CADM3: variants seen among roughly 807,000 people sequenced by gnomAD.
The protein encoded by CADM3 is TSLC1-like 1.
In CADM3, 11 loss-of-function variants were observed where a neutral mutation model predicts 44.9. The ratio of observed to expected loss-of-function variants is 0.25; its 90% CI spans 0.15 to 0.41. The LOEUF is 0.41. Among genes scored for constraint, CADM3 ranks in the 10% least tolerant of loss-of-function variants. The pLI is 1.00. For missense variants in CADM3, 426 were observed against 512.0 expected (o/e 0.83, Z 1.62); for synonymous variants, 207 against 205.2 (o/e 1.01, Z -0.08).
chr1:159,182,812 A>G (rs1649283995), intron 1 of CADM3, among the ~76,000 whole-genome samples: 1 of 152,232 alleles, frequency 6.6e-6, no homozygotes, highest in Admixed American at 6.5e-5. Context: ...TGTAAAATAT[A>G]TGTATTCATA....
At position 159,194,005 on chromosome 1, in the gene CADM3, C is replaced by T. The variant is rs1649787491; in HGVS notation, c.656C>T (p.Ala219Val). The T allele has an allele frequency of 2.5e-6, 4 of 1,614,016 alleles. No individual in the cohort carries two copies. The African/African-American group carries it at 4.0e-5, about 16-fold the overall frequency. The change falls in exon 5 of 9, where the codon GCT becomes GTT. Residue 219 changes from alanine (A) to valine (V), a missense_variant. This residue lies in a region of CADM3 where 362 missense variants were observed against 474.6 expected (regional missense o/e 0.76). Transcript: ENST00000368125. ...GTGAACCATGAATCTCTAAAGGGAG[C>T]TGACAGATCCACCTCTCAACGCATT... ...CSVNHESLKG[A>V]DRSTSQRIEV...
chr1:159,187,095 A>AGGATGCGGAGAAAAGCAACTGAGGG (rs1178520733), intron 1 of CADM3, among the ~76,000 whole-genome samples: 4 of 152,268 alleles, frequency 2.6e-5, no homozygotes, highest in African/African-American at 7.2e-5. Flanking sequence ...GCAACTGAGG[A>AGGATGCGGAGAAAAGCAACTGAGGG]GGATGCAGAA....
chr1:159,171,996 C>G, intron 1 of CADM3, 143 bp downstream of exon 1: 1 of 450,662 alleles, frequency 2.2e-6, no homozygotes, highest in Non-Finnish European at 3.7e-6. Flanking sequence ...ACCCTTGTGT[C>G]TGTCTCTGAG....
chr1:159,186,227 A>G (rs1649412681), intron 1 of CADM3, among the ~76,000 whole-genome samples: 1 of 152,214 alleles, frequency 6.6e-6, no homozygotes, highest in Non-Finnish European at 1.5e-5. Context: ...AGAAAACACA[A>G]AACTGAAATG....
chr1:159,188,526 T>A (rs1251111563), intron 1 of CADM3, among the ~76,000 whole-genome samples: 1 of 151,866 alleles, frequency 6.6e-6, no homozygotes, highest in Non-Finnish European at 1.5e-5. Context: ...CAGCTGGCTC[T>A]GAGTCGCGCT....
intron 4 of CADM3, 111 bp downstream of exon 4, chr1:159,193,671 G>T (rs964401153): frequency 1.3e-6 from 2 of 1,515,134 alleles, no homozygotes; most frequent in Non-Finnish European, 1.8e-6. Context: ...AAAGGGGAAT[G>T]ACATATATTT....
intron 1 of CADM3, chr1:159,190,016 G>A (rs1282190183): frequency 3.1e-6 from 2 of 645,216 alleles, no homozygotes; most frequent in African/African-American, 3.7e-5. Flanking sequence ...TGACATTTTA[G>A]TTCTTAGTCT....
chr1:159,179,362 C>A (rs1012957248), intron 1 of CADM3, among the ~76,000 whole-genome samples: 6 of 152,194 alleles, frequency 3.9e-5, no homozygotes, highest in African/African-American at 7.2e-5. Context: ...CCCAGCTAGA[C>A]TTACACTAAC....
chr1:159,188,502 C>T (rs927284770), intron 1 of CADM3, among the ~76,000 whole-genome samples: 2 of 152,138 alleles, frequency 1.3e-5, no homozygotes, highest in South Asian at 2.1e-4. Flanking sequence ...TCTCCTCCCC[C>T]ACCTGCCTCT....
At chr1:159,190,701 T>A (rs953888968) in intron 1 of CADM3, among the ~76,000 whole-genome samples, 3 of 152,214 alleles carry the variant, frequency 2.0e-5, no homozygotes, top group Non-Finnish European at 4.4e-5. Context: ...ACCCATTGGC[T>A]ATTTCTTGGA....
chr1:159,191,671 G>T (rs750565292), intron 1 of CADM3, among the ~76,000 whole-genome samples: 1 of 152,182 alleles, frequency 6.6e-6, no homozygotes, highest in Non-Finnish European at 1.5e-5. Context: ...CTAAATGTTC[G>T]TGGCCCTGTC....
rs746503809 is a variant in CADM3 at position 159,196,918 on chromosome 1, G to T, written c.810G>T (p.Glu270Asp). 2.5e-5 allele frequency: 41 copies of T among 1,613,898 alleles called. No homozygotes were observed. Among genetic ancestry groups the T allele is most frequent in the Non-Finnish European group, 3.4e-5 (40 of 1,179,998 alleles). Residue 270 changes from glutamate to aspartate, a missense_variant, in exon 7 of 9, where the codon GAG becomes GAT. Physicochemically the swap from Glu to Asp is conservative, Grantham distance 45. Around this residue, in one of 2 missense-constraint regions of CADM3, gnomAD observed 362 missense variants for 474.6 expected, o/e 0.76. Transcript: ENST00000368125. ...CCCAGCAGTACCTATGGGAGAAGGA[G>T]GGCAGTGTGCCACCCCTGAAGATGA... The part of the protein sequence containing the change: ...PVPQQYLWEK[E>D]GSVPPLKMTQ...
intron 1 of CADM3, chr1:159,189,763 C>G (rs767096884): frequency 2.5e-6 from 4 of 1,596,820 alleles, no homozygotes; most frequent in Non-Finnish European, 3.4e-6. Flanking sequence ...TGGAGATTCT[C>G]TCCCCAGGCT....
intron 5 of CADM3, chr1:159,194,255 T>C (rs1465424290): frequency 2.0e-6 from 1 of 489,014 alleles, no homozygotes; most frequent in Non-Finnish European, 3.6e-6. Flanking sequence ...ACAGCCTCTG[T>C]GTCAACTACT....
At chr1:159,176,876 A>T (rs1259337269) in intron 1 of CADM3, among the ~76,000 whole-genome samples, 1 of 152,004 alleles carries the variant, frequency 6.6e-6, no homozygotes, top group Non-Finnish European at 1.5e-5. Flanking sequence ...CCGTCATCAA[A>T]TTCCTCAACT....
intron 1 of CADM3, among the ~76,000 whole-genome samples, chr1:159,188,585 C>A (rs983029565): frequency 6.6e-6 from 1 of 152,156 alleles, no homozygotes. Context: ...GGACACGTAG[C>A]AGCTCTGGGC....
chr1:159,198,124 A>AG, intron 7 of CADM3: 1 of 152,344 alleles, frequency 6.6e-6, no homozygotes, highest in East Asian at 1.9e-4. Flanking sequence ...AGCCAGGCAG[A>AG]GGGAGTCCTG....
At chr1:159,186,563 T>A (rs1649427858) in intron 1 of CADM3, among the ~76,000 whole-genome samples, 3 of 152,166 alleles carry the variant, frequency 2.0e-5, no homozygotes, top group African/African-American at 7.2e-5. Context: ...ACTGACACAA[T>A]CTGAATCCAA....
At chr1:159,177,418 C>CT (rs942351299) in intron 1 of CADM3, among the ~76,000 whole-genome samples, 1 of 152,176 alleles carries the variant, frequency 6.6e-6, no homozygotes, top group African/African-American at 2.4e-5. Flanking sequence ...TTCCCCTGTT[C>CT]TTTATGGAGC....
Sources: allele counts gnomAD v4.1 joint callset (sites outside exome capture counted in the v4.1 genomes callset), GRCh38; gene constraint gnomAD v4.1.1; regional missense constraint gnomAD v4.1.1; transcripts MANE v1.5; gene names NCBI Gene and HGNC (gene_info 2026-07-23, HGNC 2026-07-21).